The following TPRG1 variants were observed in gnomAD, a reference collection of about 807,000 sequenced individuals.
The protein encoded by TPRG1 is tumor protein p63 regulated 1.
In TPRG1, 29 loss-of-function variants were observed where a neutral mutation model predicts 29.3. That is an observed-to-expected ratio of 0.99 (90% confidence interval 0.74 to 1.35). TPRG1 has a LOEUF of 1.35. Among genes scored for constraint, TPRG1 ranks in the 40% most tolerant of loss-of-function variants. The pLI is 0.00. For missense variants in TPRG1, 327 were observed against 335.0 expected, an observed-to-expected ratio of 0.98 and a Z score of 0.19; for synonymous variants, 130 against 116.8, an observed-to-expected ratio of 1.11 and a Z score of -0.73.
intron 1 of TPRG1, among the ~76,000 whole-genome samples, chr3:189,111,135 A>G (rs1187285350): frequency 6.6e-6 from 1 of 151,966 alleles, no homozygotes. Context: ...ATCTTACTAG[A>G]ATTGCATTGA....
chr3:189,073,996 T>TTATTAGTTTTTGGAAGCTATTGG (rs1716962755), intron 4 of TPRG1, among the ~76,000 whole-genome samples: 1 of 152,110 alleles, frequency 6.6e-6, no homozygotes, highest in Non-Finnish European at 1.5e-5. Context: ...GTGAACTCCT[T>TTATTAGTTTTTGGAAGCTATTGG]TATTAGTTTT....
intron 3 of TPRG1, among the ~76,000 whole-genome samples, chr3:189,013,791 T>A (rs1712774801): frequency 6.6e-6 from 1 of 152,124 alleles, no homozygotes; most frequent in Non-Finnish European, 1.5e-5. Flanking sequence ...CTTCTTTGTC[T>A]TTTTTTGACT....
At chr3:189,033,533 C>T (rs1273301490) in intron 4 of TPRG1, among the ~76,000 whole-genome samples, 2 of 151,740 alleles carry the variant, frequency 1.3e-5, no homozygotes, top group African/African-American at 4.8e-5. Context: ...CTGCCCTCCT[C>T]AAAGTGCTGG....
chr3:189,235,655 C>A (rs1739345935), intron 3 of TPRG1, among the ~76,000 whole-genome samples: 1 of 152,118 alleles, frequency 6.6e-6, no homozygotes, highest in Non-Finnish European at 1.5e-5. Context: ...CTCATCACAT[C>A]AGCTTCTTGC....
chr3:189,202,259 G>C (rs2108782942), intron 1 of TPRG1, among the ~76,000 whole-genome samples: 1 of 152,262 alleles, frequency 6.6e-6, no homozygotes, highest in African/African-American at 2.4e-5. Context: ...TCAGTATGTG[G>C]TGGAGCAGAA....
intron 5 of TPRG1, among the ~76,000 whole-genome samples, chr3:189,158,566 G>A (rs901441877): frequency 8.6e-5 from 13 of 151,940 alleles, no homozygotes; most frequent in African/African-American, 2.4e-4. Flanking sequence ...CTAAGATTGC[G>A]CCACTGCACT....
intron 4 of TPRG1, among the ~76,000 whole-genome samples, chr3:189,256,396 G>A (rs1711888409): frequency 6.6e-6 from 1 of 152,086 alleles, no homozygotes. Context: ...CCGCTCTTTT[G>A]CATTTGCTGA....
At chr3:189,056,030 TCCC>T (rs1332557922) in intron 4 of TPRG1, among the ~76,000 whole-genome samples, 894 of 68,716 alleles carry the variant, frequency 0.013, 45 homozygotes, top group African/African-American at 0.044. Flanking sequence ...CTTCCCTCCC[TCCC>T]TTCCTTCCTT....
At chr3:189,206,196 A>G (rs992325950) in intron 1 of TPRG1, among the ~76,000 whole-genome samples, 2 of 143,476 alleles carry the variant, frequency 1.4e-5, no homozygotes, top group East Asian at 2.0e-4. Context: ...TTGGAATAAT[A>G]TTATTTATAA....
intron 4 of TPRG1, among the ~76,000 whole-genome samples, chr3:189,094,039 G>A (rs190637194): frequency 4.4e-4 from 67 of 152,154 alleles, no homozygotes; most frequent in African/African-American, 1.5e-3. Context: ...GAATCTCACT[G>A]AAAGATACAG....
intron 1 of TPRG1, among the ~76,000 whole-genome samples, chr3:189,113,408 A>C (rs1720783781): frequency 6.6e-6 from 1 of 152,076 alleles, no homozygotes; most frequent in African/African-American, 2.4e-5. Flanking sequence ...AACTTCCAAC[A>C]CTATGTTGAA....
At chr3:189,059,467 C>CT (rs1310747239) in intron 4 of TPRG1, among the ~76,000 whole-genome samples, 1 of 151,976 alleles carries the variant, frequency 6.6e-6, no homozygotes, top group Non-Finnish European at 1.5e-5. Flanking sequence ...TGGCATGCGC[C>CT]TGTAGTCCCA....
At chr3:189,119,453 C>T (rs577935709) in intron 1 of TPRG1, among the ~76,000 whole-genome samples, 14 of 152,236 alleles carry the variant, frequency 9.2e-5, no homozygotes, top group South Asian at 4.1e-4. Flanking sequence ...GGCACGATTG[C>T]GTTTTGAAAT....
intron 4 of TPRG1, among the ~76,000 whole-genome samples, chr3:189,057,853 T>C (rs1471382732): frequency 4.5e-5 from 5 of 111,642 alleles, no homozygotes; most frequent in African/African-American, 1.2e-4. Context: ...TGTGTATATA[T>C]ATACACACAT....
In TPRG1 at chr3:189,207,392, C is replaced by T; in HGVS notation, c.8C>T (p.Thr3Ile). The T allele has an allele frequency of 1.2e-6, 2 of 1,613,902 alleles. No individual in the cohort carries two copies. The highest frequency in any genetic ancestry group is 1.1e-5 in the South Asian group (1 of 91,072). The change falls in exon 2 of 6, where the codon ACA becomes ATA. Residue 3 changes from threonine to isoleucine, a missense_variant. By Grantham distance (89) the Thr-to-Ile change is moderately conservative. Coordinates refer to ENST00000345063, the MANE Select transcript of TPRG1 (RefSeq NM_198485.4). MS[T>I]IGSFEGFQAV... The stretch of plus-strand genomic sequence containing the variant: ...TTGGTTTAGGCTGAAGAAATGTCAA[C>T]AATTGGGAGTTTTGAAGGATTCCAG...
chr3:189,097,911 T>C (rs1037378804), upstream of TPRG1, among the ~76,000 whole-genome samples: 2 of 152,232 alleles, frequency 1.3e-5, no homozygotes, highest in African/African-American at 4.8e-5. Context: ...TTTCTGTGTT[T>C]TCCCCCCTTT....
At chr3:189,112,425 A>G (rs769828832) in intron 1 of TPRG1, among the ~76,000 whole-genome samples, 98 of 152,128 alleles carry the variant, frequency 6.4e-4, no homozygotes, top group Non-Finnish European at 1.2e-3. Flanking sequence ...ATTGCTTTTG[A>G]TGTTTTAGAC....
At chr3:189,250,504 G>C (rs866607630) in intron 4 of TPRG1, among the ~76,000 whole-genome samples, 703 of 23,456 alleles carry the variant, frequency 0.03, no homozygotes, top group Middle Eastern at 0.062. Context: ...TCTGATTTCC[G>C]CCCCCCCCCC....
At chr3:189,261,115 T>A (rs1229121707) in intron 4 of TPRG1, among the ~76,000 whole-genome samples, 3 of 152,196 alleles carry the variant, frequency 2.0e-5, no homozygotes, top group Admixed American at 2.0e-4. Context: ...ACAATCTAAT[T>A]ATGAACACAG....
Sources: allele counts gnomAD v4.1 joint callset (sites outside exome capture counted in the v4.1 genomes callset), GRCh38; gene constraint gnomAD v4.1.1; transcripts MANE v1.5; gene names NCBI Gene and HGNC (gene_info 2026-07-23, HGNC 2026-07-21).